The following SMARCC1 variants were observed in gnomAD, a reference collection of about 807,000 sequenced individuals.
SMARCC1 encodes the protein SWI/SNF related BAF chromatin remodeling complex subunit C1.
SMARCC1 carries 43 observed loss-of-function variants against 147.4 expected under a neutral mutation model. The observed-to-expected ratio is 0.29, with a 90% confidence interval of 0.23 to 0.38. The LOEUF is 0.38. Ranked by LOEUF, SMARCC1 falls within the 10% of genes least tolerant of loss-of-function variation. SMARCC1 has a pLI of 1.00. For synonymous variants in SMARCC1, 495 were observed against 484.4 expected, an observed-to-expected ratio of 1.02 and a Z score of -0.29; for missense variants, 1,119 against 1,381.1, an observed-to-expected ratio of 0.81 and a Z score of 3.01.
chr3:47,721,153 G>A (rs1027086795), intron 6 of SMARCC1, among the ~76,000 whole-genome samples: 1 of 151,990 alleles, frequency 6.6e-6, no homozygotes, highest in Non-Finnish European at 1.5e-5. Context: ...GATGTAAACC[G>A]TACTTCATCT....
intron 26 of SMARCC1, chr3:47,604,330 A>G (rs1308075720): frequency 4.4e-6 from 2 of 456,298 alleles, no homozygotes; most frequent in Admixed American, 4.7e-5. Flanking sequence ...TCCTCTCAGC[A>G]CTTCCCCAAC....
At chr3:47,681,453 A>G (rs1225878583) in intron 14 of SMARCC1, among the ~76,000 whole-genome samples, 1 of 152,236 alleles carries the variant, frequency 6.6e-6, no homozygotes, top group African/African-American at 2.4e-5. Context: ...GTTACAGGTC[A>G]TAAGCAGAGA....
chr3:47,676,122 A>G (rs989039399), intron 17 of SMARCC1, among the ~76,000 whole-genome samples: 18 of 152,152 alleles, frequency 1.2e-4, no homozygotes, highest in African/African-American at 4.3e-4. Context: ...ACTATCTTCT[A>G]TTTCACAATG....
At chr3:47,671,187 A>AAAAAAAAAAAAAAAC (rs2033494534) in intron 18 of SMARCC1, among the ~76,000 whole-genome samples, 1 of 146,440 alleles carries the variant, frequency 6.8e-6, no homozygotes, top group Non-Finnish European at 1.5e-5. Context: ...AAAAAAAAAA[A>AAAAAAAAAAAAAAAC]AAAAAAAAAA....
At chr3:47,696,747 T>C (rs1043649637) in intron 11 of SMARCC1, among the ~76,000 whole-genome samples, 1 of 152,142 alleles carries the variant, frequency 6.6e-6, no homozygotes, top group Non-Finnish European at 1.5e-5. Context: ...GGTCTTGAAC[T>C]CTTGACCTCA....
intron 11 of SMARCC1, among the ~76,000 whole-genome samples, chr3:47,697,493 G>C (rs2033867840): frequency 6.6e-6 from 1 of 151,318 alleles, no homozygotes; most frequent in South Asian, 2.1e-4. Context: ...GTAGAGCTCT[G>C]GTTTCAACTT....
chr3:47,740,588 C>T (rs1236045057), intron 3 of SMARCC1, among the ~76,000 whole-genome samples: 1 of 152,012 alleles, frequency 6.6e-6, no homozygotes, highest in East Asian at 1.9e-4. Flanking sequence ...ATCCACCCAC[C>T]TCAGCCTCCC....
chr3:47,689,635 A>C (rs988826454), intron 12 of SMARCC1, among the ~76,000 whole-genome samples: 1 of 152,266 alleles, frequency 6.6e-6, no homozygotes, highest in African/African-American at 2.4e-5. Context: ...GATCATTAAA[A>C]ATTTCAAACA....
At chr3:47,749,076 G>A (rs2034598694) in intron 2 of SMARCC1, among the ~76,000 whole-genome samples, 1 of 150,848 alleles carries the variant, frequency 6.6e-6, no homozygotes. Flanking sequence ...GCCGAGTTGG[G>A]TTGATCACTT....
intron 25 of SMARCC1, among the ~76,000 whole-genome samples, chr3:47,617,018 G>C (rs1482979280): frequency 3.7e-4 from 57 of 152,184 alleles, no homozygotes; most frequent in Admixed American, 3.7e-3. Flanking sequence ...ACTCCTAGCT[G>C]ATCTATTCAC....
intron 11 of SMARCC1, among the ~76,000 whole-genome samples, chr3:47,696,877 T>C (rs1023233337): frequency 2.0e-5 from 3 of 152,116 alleles, no homozygotes; most frequent in Non-Finnish European, 2.9e-5. Flanking sequence ...TTGGGTTTTT[T>C]TGAATCGGGG....
chr3:47,628,552 T>A (rs144940528), intron 24 of SMARCC1, among the ~76,000 whole-genome samples: 5 of 152,260 alleles, frequency 3.3e-5, no homozygotes, highest in Non-Finnish European at 1.5e-5. Context: ...CAAGAAAACA[T>A]AGGTGTGGCT....
intron 7 of SMARCC1, 132 bp from the exon 8 acceptor site, chr3:47,714,622 G>A (rs770186048): frequency 2.8e-5 from 16 of 576,806 alleles, no homozygotes; most frequent in Non-Finnish European, 4.4e-5. Flanking sequence ...GTGAAACTGC[G>A]TCTCTACCAA....
chr3:47,705,988 C>T (rs2033988400), intron 10 of SMARCC1, among the ~76,000 whole-genome samples: 1 of 152,126 alleles, frequency 6.6e-6, no homozygotes, highest in Non-Finnish European at 1.5e-5. Flanking sequence ...CGTTGTACTG[C>T]CATGCTTTGC....
intron 21 of SMARCC1, among the ~76,000 whole-genome samples, chr3:47,644,755 G>A (rs1219379770): frequency 2.0e-5 from 3 of 152,082 alleles, no homozygotes; most frequent in Non-Finnish European, 2.9e-5. Flanking sequence ...TGATCCGCCC[G>A]CCTCGGCCTT....
chr3:47,642,529 G>A (rs550481602), intron 21 of SMARCC1, among the ~76,000 whole-genome samples: 1 of 152,202 alleles, frequency 6.6e-6, no homozygotes, highest in East Asian at 1.9e-4. Flanking sequence ...GGTAGAGGTT[G>A]CAGTGAGCCG....
chr3:47,654,945 A>G (rs2033241631), intron 21 of SMARCC1, among the ~76,000 whole-genome samples: 1 of 152,232 alleles, frequency 6.6e-6, no homozygotes. Flanking sequence ...CAAAGAAACC[A>G]TATCCAAACC....
chr3:47,621,379 G>A (rs1353592364), intron 25 of SMARCC1, among the ~76,000 whole-genome samples: 5 of 151,546 alleles, frequency 3.3e-5, no homozygotes, highest in African/African-American at 9.7e-5. Context: ...AGCTCCATTC[G>A]CAATAGCGAA....
Position 47,662,330 on chromosome 3 carries a change from A to G in SMARCC1, c.2158+4T>C, listed in dbSNP as rs2033357454. ...TTGAGGAGATGGTTTAGGGAAGTCC[A>G]TACCCAAAGCCGCTTTTGCTGCAGC... is the stretch of plus-strand genomic sequence containing the variant. On this transcript the variant is annotated splice_donor_region_variant and intron_variant, in intron 20 of 27. Transcript: ENST00000254480. 2 of 1,613,610 alleles carry G rather than the reference A, an allele frequency of 1.2e-6. No homozygotes were observed. Among genetic ancestry groups the G allele is most frequent in the South Asian group, 2.2e-5 (2 of 91,028 alleles).
Sources: gnomAD v4.1 joint callset for allele counts (sites outside exome capture counted in the v4.1 genomes callset) on GRCh38, gnomAD v4.1.1 for gene constraint, MANE v1.5 for transcripts, NCBI Gene and HGNC (gene_info 2026-07-23, HGNC 2026-07-21) for gene names.